Variants in EFCAB6 observed in about 807,000 individuals in gnomAD.
EFCAB6 encodes EF-hand calcium binding domain 6.
A neutral mutation model predicts 169.8 loss-of-function variants in EFCAB6; 156 were observed. That is an observed-to-expected ratio of 0.92 (90% CI 0.81 to 1.05). The LOEUF is 1.05. Ranked by LOEUF, EFCAB6 falls within the 50% of genes least tolerant of loss-of-function variation. The probability of loss-of-function intolerance (pLI) is 0.00; values close to 1 mark genes in which losing one functional copy is unlikely to be tolerated. For synonymous variants in EFCAB6, 698 were observed against 676.4 expected (o/e 1.03, Z -0.50); for missense variants, 1,800 against 1,829.1 (o/e 0.98, Z 0.29).
At chr22:43,758,696 G>T (rs991189311) in intron 5 of EFCAB6, among the ~76,000 whole-genome samples, 1 of 152,020 alleles carries the variant, frequency 6.6e-6, no homozygotes, top group Non-Finnish European at 1.5e-5. Context: ...CTTTCATCTA[G>T]GATTACTTTC....
intron 22 of EFCAB6, among the ~76,000 whole-genome samples, chr22:43,607,437 C>T (rs2053002527): frequency 6.6e-6 from 1 of 152,176 alleles, no homozygotes; most frequent in Admixed American, 6.5e-5. Context: ...TTTGGATTAT[C>T]CTAAAGTCAA....
intron 21 of EFCAB6, among the ~76,000 whole-genome samples, chr22:43,614,589 T>C (rs1281407612): frequency 6.6e-6 from 1 of 152,206 alleles, no homozygotes; most frequent in African/African-American, 2.4e-5. Flanking sequence ...TTAGATACAA[T>C]CCATGAAAGG....
At chr22:43,750,802 C>A (rs994095784) in intron 6 of EFCAB6, among the ~76,000 whole-genome samples, 1 of 151,396 alleles carries the variant, frequency 6.6e-6, no homozygotes, top group African/African-American at 2.4e-5. Flanking sequence ...AAATTCACCT[C>A]TTTAAGAGAA....
intron 1 of EFCAB6, among the ~76,000 whole-genome samples, chr22:43,809,748 C>T (rs528155495): frequency 6.6e-6 from 1 of 152,140 alleles, no homozygotes; most frequent in South Asian, 2.1e-4. Flanking sequence ...GCTGGGATTA[C>T]AGGTGCCTGC....
intron 6 of EFCAB6, among the ~76,000 whole-genome samples, chr22:43,746,279 C>T (rs5764265): frequency 6.6e-5 from 10 of 152,016 alleles, no homozygotes; most frequent in East Asian, 1.9e-4. Flanking sequence ...TACCAAAAAT[C>T]GAAAAAGCTT....
chr22:43,743,371 A>C (rs548203037), intron 6 of EFCAB6, among the ~76,000 whole-genome samples: 4 of 152,130 alleles, frequency 2.6e-5, no homozygotes, highest in Admixed American at 2.0e-4. Flanking sequence ...CTTCCTCTCC[A>C]CAAGGGACCT....
At chr22:43,606,004 C>T (rs546527154) in intron 22 of EFCAB6, among the ~76,000 whole-genome samples, 11 of 152,210 alleles carry the variant, frequency 7.2e-5, no homozygotes, top group African/African-American at 2.2e-4. Context: ...AACACGGACA[C>T]GGGAGGGGTC....
chr22:43,649,022 G>A (rs1050826384), intron 17 of EFCAB6, among the ~76,000 whole-genome samples: 2 of 152,078 alleles, frequency 1.3e-5, no homozygotes, highest in Non-Finnish European at 2.9e-5. Flanking sequence ...TTGAGTTGGT[G>A]CAAACGAGCC....
At chr22:43,656,189 G>C (rs2056732692) in intron 17 of EFCAB6, among the ~76,000 whole-genome samples, 1 of 152,068 alleles carries the variant, frequency 6.6e-6, no homozygotes, top group Non-Finnish European at 1.5e-5. Context: ...TCAGGAGTTT[G>C]ATACCACCCT....
chr22:43,530,027 G>A (rs1057414731), intron 31 of EFCAB6, among the ~76,000 whole-genome samples: 1 of 152,202 alleles, frequency 6.6e-6, no homozygotes, highest in African/African-American at 2.4e-5. Flanking sequence ...AGCAGGCCTG[G>A]CCATTGGGCC....
At chr22:43,643,331 C>T (rs1006292348) in intron 17 of EFCAB6, among the ~76,000 whole-genome samples, 6 of 152,216 alleles carry the variant, frequency 3.9e-5, no homozygotes, top group Non-Finnish European at 8.8e-5. Context: ...ACGAGTTGGT[C>T]GGACTCCACG....
intron 2 of EFCAB6, among the ~76,000 whole-genome samples, chr22:43,790,235 C>A (rs1408938837): frequency 6.6e-6 from 1 of 152,142 alleles, no homozygotes; most frequent in African/African-American, 2.4e-5. Context: ...GCCCTAGAGC[C>A]TCAGCAATCC....
intron 27 of EFCAB6, among the ~76,000 whole-genome samples, chr22:43,542,175 T>C (rs957335915): frequency 6.6e-6 from 1 of 152,312 alleles, no homozygotes; most frequent in African/African-American, 2.4e-5. Context: ...TCGGTGTGCA[T>C]GCTGACAGAT....
chr22:43,737,096 C>T (rs1451037909), intron 6 of EFCAB6, among the ~76,000 whole-genome samples: 1 of 152,114 alleles, frequency 6.6e-6, no homozygotes, highest in East Asian at 1.9e-4. Context: ...CTTGGTGAGA[C>T]CCTAACCTGG....
chr22:43,667,282 C>A lies in EFCAB6; in HGVS notation c.1815-10G>T. Reference sequence around the variant, plus strand: ...CTCCGTGAGCTTGGTTCTAAAATCACAAGCAGGCATTTAGACCCAGTGTCA... The same window carrying A: ...CTCCGTGAGCTTGGTTCTAAAATCAAAAGCAGGCATTTAGACCCAGTGTCA... On this transcript the variant is annotated splice_polypyrimidine_tract_variant and intron_variant, in intron 16 of 31. Coordinates refer to ENST00000262726, the MANE Select transcript of EFCAB6 (RefSeq NM_022785.4). 1 of 1,612,642 alleles carries A rather than the reference C, an allele frequency of 6.2e-7. No homozygotes were observed. The highest frequency in any genetic ancestry group is 8.5e-7 in the Non-Finnish European group (1 of 1,179,232).
intron 23 of EFCAB6, among the ~76,000 whole-genome samples, chr22:43,591,866 A>T (rs913121130): frequency 9.9e-5 from 15 of 152,232 alleles, no homozygotes; most frequent in African/African-American, 3.6e-4. Context: ...AAGAAGAAAC[A>T]ATCTTGCACT....
At chr22:43,570,955 C>A (rs2049832087) in intron 26 of EFCAB6, among the ~76,000 whole-genome samples, 1 of 152,116 alleles carries the variant, frequency 6.6e-6, no homozygotes, top group Non-Finnish European at 1.5e-5. Flanking sequence ...CGGCCTGGGA[C>A]CTGCACTTTA....
chr22:43,744,983 T>G lies in EFCAB6; in HGVS notation c.508-8990A>C, dbSNP rs992371371. On this transcript the variant is annotated intron_variant, in intron 6 of 31. Transcript: ENST00000262726. This position sits in a 1 kb window ranked among gnomAD's most constrained non-coding sequence, Gnocchi z 4.3. Reference sequence around the variant, plus strand: ...CACTGGACCTGTTTAGACCTAAATGTGACCAGAGAGCCACCAGATCTGCTG... The same window carrying G: ...CACTGGACCTGTTTAGACCTAAATGGGACCAGAGAGCCACCAGATCTGCTG... 6.6e-6 allele frequency among the ~76,000 whole-genome samples: 1 copy of G among 152,150 alleles called. No individual in the cohort carries two copies. Among genetic ancestry groups the G allele is most frequent in the African/African-American group, 2.4e-5 (1 of 41,438 alleles).
In EFCAB6 at chr22:43,534,668, C is replaced by T; in HGVS notation, c.4233+20G>A. 6.4e-7 allele frequency: 1 copy of T among 1,573,098 alleles called. No individual in the cohort carries two copies. Among genetic ancestry groups the T allele is most frequent in the Non-Finnish European group, 8.6e-7 (1 of 1,162,964 alleles). On this transcript the variant is annotated intron_variant, in intron 30 of 31. Coordinates refer to ENST00000262726, the MANE Select transcript of EFCAB6 (RefSeq NM_022785.4). ...CCCCTTTCCACCTGGCCCCACATTT[C>T]CTGCAGGTGGGCAACATACCATCTT...
Sources: allele counts gnomAD v4.1 joint callset (sites outside exome capture counted in the v4.1 genomes callset), GRCh38; gene constraint gnomAD v4.1.1; non-coding constraint Gnocchi (gnomAD v3.1); transcripts MANE v1.5; gene names NCBI Gene and HGNC (gene_info 2026-07-23, HGNC 2026-07-21).